Variants in IPO5 observed in about 807,000 individuals in gnomAD.
IPO5 encodes the protein importin-5.
IPO5 carries 18 observed loss-of-function variants against 143.3 expected under a neutral mutation model. That is an observed-to-expected ratio of 0.13 (90% CI 0.09 to 0.19). The LOEUF (loss-of-function observed/expected upper bound fraction) is 0.19. IPO5 is among the 10% of genes least tolerant of loss of function. The pLI, the probability that IPO5 is intolerant of heterozygous loss-of-function variation, is 1.00. For synonymous variants in IPO5, 477 were observed against 465.7 expected (o/e 1.02, Z -0.31); for missense variants, 1,013 against 1,336.9 (o/e 0.76, Z 3.78).
At chr13:97,977,052 G>T in intron 4 of IPO5, 1 of 194,226 alleles carries the variant, frequency 5.1e-6, no homozygotes, top group Non-Finnish European at 1.1e-5. Flanking sequence ...ACGCGCCCCC[G>T]TCCAGGTGTG....
rs78242609 is a variant in IPO5 at position 98,021,703 on chromosome 13, G to T, written c.3208-33G>T. 3.1e-4 allele frequency: 423 copies of T among 1,348,220 alleles called. 8 individuals are homozygous for T. The East Asian group carries it at 9.7e-3, about 31-fold the overall frequency. 83.5% of individuals were successfully genotyped at this position (1,348,220 alleles called of 1,614,324 possible). A position where few individuals can be genotyped will look rare whatever the true frequency, so the allele number is the denominator to read the frequency against. On this transcript the variant is annotated intron_variant, in intron 28 of 28. Transcript: ENST00000651721. ...TAAAATCCTTCCAAATGAGCATTTC[G>T]TCCTAAGTCTGTGAAAATGTTTCTT...
At chr13:97,959,980 AAATG>A (rs1034577225) in intron 2 of IPO5, among the ~76,000 whole-genome samples, 2 of 152,220 alleles carry the variant, frequency 1.3e-5, no homozygotes, top group Non-Finnish European at 2.9e-5. Context: ...TTTTCTAAAC[AAATG>A]AATGAAGAAA....
At chr13:98,017,274 T>TTCTCTC (rs1465410327) in intron 25 of IPO5, among the ~76,000 whole-genome samples, 1 of 151,772 alleles carries the variant, frequency 6.6e-6, no homozygotes. Context: ...TTTTTTTACC[T>TTCTCTC]TCTCTCACCC....
chr13:97,983,408 C>T (rs1887021586), intron 5 of IPO5, among the ~76,000 whole-genome samples: 2 of 151,970 alleles, frequency 1.3e-5, no homozygotes, highest in Non-Finnish European at 2.9e-5. Context: ...TAGCTAATTA[C>T]CTAGTTCCTA....
chr13:98,012,486 T>G, intron 21 of IPO5, 144 bp downstream of exon 21: 2 of 604,080 alleles, frequency 3.3e-6, no homozygotes, highest in Non-Finnish European at 5.9e-6. Context: ...ATAAACTCGG[T>G]TCTCTGCATG....
chr13:97,961,432 A>T (rs1884872912), intron 2 of IPO5, among the ~76,000 whole-genome samples: 1 of 152,230 alleles, frequency 6.6e-6, no homozygotes, highest in Admixed American at 6.5e-5. Flanking sequence ...CCCAGGTTCA[A>T]GTGATTCTCA....
chr13:97,954,729 T>C (rs1387344767), intron 2 of IPO5, among the ~76,000 whole-genome samples: 2 of 152,194 alleles, frequency 1.3e-5, no homozygotes, highest in Admixed American at 1.3e-4. Flanking sequence ...TATAAAGTAT[T>C]AGATACCAGG....
At chr13:97,961,930 A>G (rs1169436336) in intron 2 of IPO5, among the ~76,000 whole-genome samples, 2 of 152,096 alleles carry the variant, frequency 1.3e-5, no homozygotes, top group Non-Finnish European at 2.9e-5. Context: ...GGAGTTCAAG[A>G]CCAGCCTGGC....
intron 18 of IPO5, among the ~76,000 whole-genome samples, chr13:98,009,093 C>T (rs779850519): frequency 6.6e-6 from 1 of 152,220 alleles, no homozygotes; most frequent in Admixed American, 6.5e-5. Flanking sequence ...AAGGACGAGG[C>T]GTGTTGCTCA....
At chr13:98,015,073 C>T (rs1890025722) in intron 22 of IPO5, among the ~76,000 whole-genome samples, 1 of 152,088 alleles carries the variant, frequency 6.6e-6, no homozygotes, top group Non-Finnish European at 1.5e-5. Flanking sequence ...TTTATATGTC[C>T]TTATTTACAC....
At chr13:97,969,933 A>T (rs57918250) in intron 3 of IPO5, 103 bp downstream of exon 3, 7 of 818,498 alleles carry the variant, frequency 8.6e-6, no homozygotes, top group African/African-American at 1.8e-5. Flanking sequence ...TCCTGGTCTC[A>T]GGCAATCCTC....
At chr13:97,975,013 A>G (rs961439543) in intron 3 of IPO5, among the ~76,000 whole-genome samples, 2 of 152,188 alleles carry the variant, frequency 1.3e-5, no homozygotes, top group Admixed American at 1.3e-4. Flanking sequence ...CAAAGAGCAA[A>G]TGTTTTGACT....
chr13:98,009,756 C>G, intron 18 of IPO5, 125 bp from the exon 19 acceptor site: 2 of 729,820 alleles, frequency 2.7e-6, no homozygotes, highest in Non-Finnish European at 2.2e-6. Context: ...TAGAAATGCT[C>G]TTACTGCTTA....
intron 2 of IPO5, among the ~76,000 whole-genome samples, chr13:97,961,208 T>G (rs1230873644): frequency 6.6e-6 from 1 of 152,262 alleles, no homozygotes; most frequent in Admixed American, 6.5e-5. Context: ...AGAAGACATT[T>G]TGTTTATCCA....
At chr13:98,013,304 C>T (rs1480456438) in intron 21 of IPO5, among the ~76,000 whole-genome samples, 1 of 152,132 alleles carries the variant, frequency 6.6e-6, no homozygotes, top group Non-Finnish European at 1.5e-5. Context: ...GTCTCGAACT[C>T]CTGACCTCAG....
intron 3 of IPO5, among the ~76,000 whole-genome samples, chr13:97,971,536 A>C (rs1485141667): frequency 6.6e-6 from 1 of 152,208 alleles, no homozygotes; most frequent in Non-Finnish European, 1.5e-5. Context: ...TCTGTAATCC[A>C]TTCCATACAC....
At chr13:97,990,059 C>A in intron 7 of IPO5, 67 bp from the exon 8 acceptor site, 3 of 941,112 alleles carry the variant, frequency 3.2e-6, no homozygotes, top group South Asian at 1.4e-5. Context: ...ATTAGAGATT[C>A]TAGCTCATAC....
At chr13:97,984,530 A>G (rs1285696682) in intron 5 of IPO5, among the ~76,000 whole-genome samples, 1 of 152,118 alleles carries the variant, frequency 6.6e-6, no homozygotes, top group South Asian at 2.1e-4. Flanking sequence ...TTTTATAAGA[A>G]TTGTAACCAT....
At chr13:97,998,226 C>T (rs752583034) in intron 12 of IPO5, among the ~76,000 whole-genome samples, 2 of 152,218 alleles carry the variant, frequency 1.3e-5, no homozygotes, top group African/African-American at 4.8e-5. Flanking sequence ...CCGCCCGCCT[C>T]GGCCTCCCAA....
Sources: allele counts gnomAD v4.1 joint callset (sites outside exome capture counted in the v4.1 genomes callset), GRCh38; gene constraint gnomAD v4.1.1; transcripts MANE v1.5; gene names NCBI Gene and HGNC (gene_info 2026-07-23, HGNC 2026-07-21).